RRAGD: variants seen among roughly 807,000 people sequenced by gnomAD.
RRAGD encodes the protein ras-related GTP-binding protein D.
In RRAGD, 12 loss-of-function variants were observed where a neutral mutation model predicts 35.5. The observed-to-expected ratio is 0.34, with a 90% CI of 0.22 to 0.55. The LOEUF is 0.55. RRAGD is among the 20% of genes least tolerant of loss of function. The pLI is 0.91. For synonymous variants in RRAGD, 155 were observed against 178.9 expected (o/e 0.87, Z 1.07); for missense variants, 324 against 490.1 (o/e 0.66, Z 3.20).
intron 1 of RRAGD, among the ~76,000 whole-genome samples, chr6:89,403,352 G>A (rs1241814695): frequency 6.6e-6 from 1 of 152,066 alleles, no homozygotes; most frequent in Non-Finnish European, 1.5e-5. Context: ...GGCTGAAGCA[G>A]GAGAATGGCG....
At chr6:89,383,159 T>C (rs1245097319) in intron 2 of RRAGD, among the ~76,000 whole-genome samples, 1 of 152,228 alleles carries the variant, frequency 6.6e-6, no homozygotes, top group Non-Finnish European at 1.5e-5. Context: ...CCTGTTGAAC[T>C]GTACACTTAA....
chr6:89,365,326 G>A lies in RRAGD; in HGVS notation c.*2730C>T, dbSNP rs965167845. ...GACTGCCCTGCTCCTTTTGAGGAAG[G>A]AAACCTGCAAGGCAAGTTCTCAATC... On this transcript the variant is annotated 3_prime_UTR_variant, in exon 7 of 7. Coordinates refer to ENST00000369415, the MANE Select transcript of RRAGD (RefSeq NM_021244.5). The A allele has an allele frequency of 1.3e-5, 2 of 152,130 alleles. No homozygotes were observed. The highest frequency in any genetic ancestry group is 2.9e-5 in the Non-Finnish European group (2 of 68,030). The allele number at this position is 152,130 out of a possible 1,614,324, so 9.4% of individuals were successfully genotyped here.
intron 6 of RRAGD, among the ~76,000 whole-genome samples, chr6:89,370,794 C>A (rs932769556): frequency 6.6e-6 from 1 of 152,102 alleles, no homozygotes; most frequent in Non-Finnish European, 1.5e-5. Flanking sequence ...TAGAATTCAT[C>A]ATACAATCTA....
chr6:89,379,365 T>C, intron 3 of RRAGD, 27 bp from the exon 4 acceptor site: 1 of 1,254,716 alleles, frequency 8.0e-7, no homozygotes, highest in Non-Finnish European at 1.1e-6. Flanking sequence ...TATTTCATCA[T>C]GTTTTCCCTT....
intron 1 of RRAGD, among the ~76,000 whole-genome samples, chr6:89,400,921 G>C (rs1057498190): frequency 6.6e-6 from 1 of 152,160 alleles, no homozygotes; most frequent in Non-Finnish European, 1.5e-5. Context: ...TGTTCAAGCA[G>C]GCAGTTTGTT....
At chr6:89,394,945 G>A (rs1402503740) in intron 1 of RRAGD, among the ~76,000 whole-genome samples, 1 of 152,006 alleles carries the variant, frequency 6.6e-6, no homozygotes, top group Non-Finnish European at 1.5e-5. Context: ...AATGTCTAGG[G>A]AGTCATGAGG....
Position 89,368,210 on chromosome 6 carries a change from G to A in RRAGD, c.1052-3C>T, listed in dbSNP as rs752346178. ...ATGAAAATTATAGTCAATTAGCCCT[G>A]GAGAAGAGAACAAAAATATTTATAA... is the stretch of plus-strand genomic sequence containing the variant. On this transcript the variant is annotated splice_region_variant and splice_polypyrimidine_tract_variant and intron_variant, in intron 6 of 6. Coordinates refer to ENST00000369415, the MANE Select transcript of RRAGD (RefSeq NM_021244.5). The A allele has an allele frequency of 5.6e-6, 9 of 1,606,962 alleles. No homozygotes were observed. The Admixed American group carries it at 1.4e-4, about 25-fold the overall frequency.
intron 5 of RRAGD, 135 bp downstream of exon 5, chr6:89,377,536 G>A: frequency 1.3e-6 from 1 of 740,956 alleles, no homozygotes; most frequent in Non-Finnish European, 2.2e-6. Flanking sequence ...CATGCTAACT[G>A]GTATATTTAT....
At chr6:89,378,078 C>T (rs1444317489) in intron 4 of RRAGD, among the ~76,000 whole-genome samples, 1 of 152,146 alleles carries the variant, frequency 6.6e-6, no homozygotes, top group African/African-American at 2.4e-5. Context: ...CCAAGGCGGG[C>T]AGATCACCTG....
At chr6:89,391,926 T>G (rs1769241027) in intron 1 of RRAGD, among the ~76,000 whole-genome samples, 1 of 134,446 alleles carries the variant, frequency 7.4e-6, no homozygotes, top group African/African-American at 2.9e-5. Context: ...CACTGCACTC[T>G]AGCCTGGGTG....
chr6:89,377,868 C>A, intron 4 of RRAGD, 55 bp from the exon 5 acceptor site: 2 of 1,324,044 alleles, frequency 1.5e-6, no homozygotes, highest in Admixed American at 2.4e-5. Flanking sequence ...CAGACCATGT[C>A]ATGACTACAC....
intron 1 of RRAGD, among the ~76,000 whole-genome samples, chr6:89,404,317 G>A (rs1769538049): frequency 6.6e-6 from 1 of 152,176 alleles, no homozygotes; most frequent in Non-Finnish European, 1.5e-5. Flanking sequence ...TGTTTGTTGG[G>A]ATGATTACAT....
chr6:89,387,583 G>T lies in RRAGD; in HGVS notation c.156C>A (p.Asp52Glu), dbSNP rs561287334. The T allele has an allele frequency of 3.7e-6, 6 of 1,611,054 alleles. No individual in the cohort carries two copies. The South Asian group carries it at 6.6e-5, about 18-fold the overall frequency. Residue 52 changes from aspartate (D) to glutamate (E), a missense_variant, in exon 2 of 7, where the codon GAC (aspartate) becomes GAA (glutamate). By Grantham distance (45) the Asp-to-Glu change is conservative (BLOSUM62 2). This residue lies in a region of RRAGD where 96 missense variants were observed against 78.7 expected (regional missense o/e 1.22). Coordinates refer to ENST00000369415, the MANE Select transcript of RRAGD (RefSeq NM_021244.5). ...CTTCAGTGCTGAAGGGGTCACTGAAGTCCAGAACTGGAGAAACCACAAAAT... is the reference window on the plus strand; with the variant it reads ...CTTCAGTGCTGAAGGGGTCACTGAATTCCAGAACTGGAGAAACCACAAAAT... ...PDSGTEEGVL[D>E]FSDPFSTEVK...
chr6:89,410,739 A>C (rs1205261791), intron 1 of RRAGD, among the ~76,000 whole-genome samples: 1 of 152,254 alleles, frequency 6.6e-6, no homozygotes, highest in South Asian at 2.1e-4. Flanking sequence ...TAGAATAATG[A>C]AACTACCCTA....
At chr6:89,381,446 CCT>C (rs752426001) in intron 2 of RRAGD, among the ~76,000 whole-genome samples, 2 of 152,142 alleles carry the variant, frequency 1.3e-5, no homozygotes, top group African/African-American at 4.8e-5. Context: ...ACACAAAAGC[CCT>C]CTGTGTTTCT....
At position 89,380,197 on chromosome 6, in the gene RRAGD, T is replaced by G; in HGVS notation, c.615A>C (p.Ala205=). The G allele has an allele frequency of 6.2e-7, 1 of 1,614,270 alleles. No individual in the cohort carries two copies. Among genetic ancestry groups the G allele is most frequent in the Non-Finnish European group, 8.5e-7 (1 of 1,180,044 alleles). The change falls in exon 3 of 7, where the codon GCA becomes GCC. Residue 205 remains alanine (A), a synonymous_variant. Transcript: ENST00000369415. ...GGTGAATTTTTTCTAATCCAGCATCTGCAAGGTCATCGTTTGCCCTCTGGT... is the reference window on the plus strand; with the variant it reads ...GGTGAATTTTTTCTAATCCAGCATCGGCAAGGTCATCGTTTGCCCTCTGGT... ...DIHQRANDDL[A]DAGLEKIHLS...
intron 1 of RRAGD, among the ~76,000 whole-genome samples, chr6:89,392,432 A>T (rs1017977493): frequency 6.7e-6 from 1 of 148,982 alleles, no homozygotes; most frequent in Admixed American, 6.8e-5. Context: ...GTGAGCTTTG[A>T]TTGCACTACT....
chr6:89,387,679 T>C, intron 1 of RRAGD, 89 bp from the exon 2 acceptor site: 1 of 1,241,404 alleles, frequency 8.1e-7, no homozygotes, highest in South Asian at 1.4e-5. Flanking sequence ...ATGTGATTTA[T>C]GATTCACAGA....
intron 1 of RRAGD, among the ~76,000 whole-genome samples, chr6:89,399,251 C>T (rs1257320635): frequency 1.3e-5 from 2 of 152,158 alleles, no homozygotes; most frequent in Non-Finnish European, 2.9e-5. Flanking sequence ...AGTATGTATG[C>T]ATGTTTACAT....
Sources: allele counts gnomAD v4.1 joint callset (sites outside exome capture counted in the v4.1 genomes callset), GRCh38; gene constraint gnomAD v4.1.1; regional missense constraint gnomAD v4.1.1; transcripts MANE v1.5; gene names NCBI Gene and HGNC (gene_info 2026-07-23, HGNC 2026-07-21).